Variants in STXBP5L observed in about 807,000 individuals in gnomAD.
STXBP5L encodes the protein syntaxin-binding protein 5-like.
In STXBP5L, 65 loss-of-function variants were observed where a neutral mutation model predicts 144.5. The ratio of observed to expected loss-of-function variants is 0.45; its 90% CI spans 0.37 to 0.55. The LOEUF (loss-of-function observed/expected upper bound fraction) is 0.55, where lower values mean the gene tolerates loss of function less well. Among genes scored for constraint, STXBP5L ranks in the 20% least tolerant of loss-of-function variants. The probability of loss-of-function intolerance (pLI) is 0.00; values close to 1 mark genes in which losing one functional copy is unlikely to be tolerated. For missense variants in STXBP5L, 1,298 were observed against 1,405.5 expected (o/e 0.92, Z 1.22); for synonymous variants, 505 against 469.6 (o/e 1.08, Z -0.97).
chr3:121,405,048 G>GGAGA (rs1018722061), intron 22 of STXBP5L, among the ~76,000 whole-genome samples: 3 of 151,306 alleles, frequency 2.0e-5, no homozygotes, highest in Admixed American at 2.0e-4. Flanking sequence ...ATAGGGAGGG[G>GGAGA]GAGAGAGAGA....
intron 3 of STXBP5L, among the ~76,000 whole-genome samples, chr3:120,969,436 G>A (rs552997962): frequency 2.1e-5 from 3 of 143,422 alleles, no homozygotes; most frequent in African/African-American, 5.2e-5. Context: ...TGAGTTCCTT[G>A]TAGATTCTGG....
chr3:121,359,783 T>C (rs908312061), intron 20 of STXBP5L, among the ~76,000 whole-genome samples: 34 of 151,842 alleles, frequency 2.2e-4, no homozygotes, highest in African/African-American at 7.7e-4. Flanking sequence ...TTCTGGATTC[T>C]CTATTCTGTC....
intron 20 of STXBP5L, among the ~76,000 whole-genome samples, chr3:121,352,402 C>A (rs550065972): frequency 6.6e-6 from 1 of 152,132 alleles, no homozygotes; most frequent in African/African-American, 2.4e-5. Context: ...CCTTCACATC[C>A]CTTGTAAGCT....
intron 3 of STXBP5L, among the ~76,000 whole-genome samples, chr3:121,029,100 C>A (rs932923843): frequency 6.6e-6 from 1 of 152,158 alleles, no homozygotes; most frequent in Non-Finnish European, 1.5e-5. Flanking sequence ...AATGGCCATA[C>A]TGACCAAAGT....
chr3:120,923,721 T>C (rs1027641731), intron 2 of STXBP5L, among the ~76,000 whole-genome samples: 1 of 152,186 alleles, frequency 6.6e-6, no homozygotes, highest in Admixed American at 6.5e-5. Context: ...ATTTTTACTT[T>C]CTTGAATTTG....
chr3:121,407,776 G>T, intron 23 of STXBP5L, 173 bp downstream of exon 23: 1 of 973,040 alleles, frequency 1.0e-6, no homozygotes, highest in African/African-American at 1.7e-5. Flanking sequence ...TGGGGGTTTT[G>T]TGTTTTGTTT....
At chr3:121,217,891 G>A (rs1353851096) in intron 10 of STXBP5L, among the ~76,000 whole-genome samples, 1 of 150,890 alleles carries the variant, frequency 6.6e-6, no homozygotes, top group Non-Finnish European at 1.5e-5. Flanking sequence ...TTGCTTGGAG[G>A]TCTTTACAAT....
chr3:120,963,067 C>G (rs891342669), intron 3 of STXBP5L, among the ~76,000 whole-genome samples: 1 of 152,146 alleles, frequency 6.6e-6, no homozygotes, highest in South Asian at 2.1e-4. Context: ...CATGATTTGG[C>G]TCTCTGTTTG....
chr3:121,037,284 G>T (rs1045227991), intron 3 of STXBP5L, among the ~76,000 whole-genome samples: 12 of 145,172 alleles, frequency 8.3e-5, no homozygotes, highest in Non-Finnish European at 1.5e-4. Context: ...GCTCTACTCT[G>T]TCATCCAGAT....
chr3:121,268,562 G>A (rs1342207294), intron 18 of STXBP5L, among the ~76,000 whole-genome samples: 1 of 150,084 alleles, frequency 6.7e-6, no homozygotes, highest in Non-Finnish European at 1.5e-5. Context: ...AATAAAAAAA[G>A]AATAACTGAA....
At chr3:121,026,699 A>ATCCAT (rs1945968450) in intron 3 of STXBP5L, among the ~76,000 whole-genome samples, 1 of 152,050 alleles carries the variant, frequency 6.6e-6, no homozygotes, top group African/African-American at 2.4e-5. Flanking sequence ...GAAATTTGAC[A>ATCCAT]CTGAAAGAAT....
intron 5 of STXBP5L, among the ~76,000 whole-genome samples, chr3:121,093,812 A>C (rs1167922863): frequency 6.6e-6 from 1 of 152,126 alleles, no homozygotes; most frequent in Non-Finnish European, 1.5e-5. Flanking sequence ...GCCTTCTGCT[A>C]GCTTTTGAAT....
intron 5 of STXBP5L, among the ~76,000 whole-genome samples, chr3:121,093,655 T>C (rs1205569084): frequency 6.6e-6 from 1 of 152,200 alleles, no homozygotes; most frequent in Non-Finnish European, 1.5e-5. Context: ...TATTTGATTC[T>C]TCTCTCTTTT....
At chr3:121,071,875 G>A (rs1196029795) in intron 5 of STXBP5L, among the ~76,000 whole-genome samples, 1 of 152,182 alleles carries the variant, frequency 6.6e-6, no homozygotes, top group Non-Finnish European at 1.5e-5. Flanking sequence ...CTCATAGGGT[G>A]AATACCCAGT....
At chr3:121,032,398 T>A (rs1485943718) in intron 3 of STXBP5L, among the ~76,000 whole-genome samples, 1 of 152,138 alleles carries the variant, frequency 6.6e-6, no homozygotes, top group Non-Finnish European at 1.5e-5. Context: ...TGAATTTAGC[T>A]ACTAGAAAGT....
At chr3:121,020,850 GAAA>G (rs60522434) in intron 3 of STXBP5L, among the ~76,000 whole-genome samples, 6 of 143,220 alleles carry the variant, frequency 4.2e-5, no homozygotes, top group Admixed American at 6.9e-5. Flanking sequence ...ACAATACAAT[GAAA>G]AAAAAAAACC....
chr3:121,132,169 T>TA, intron 7 of STXBP5L, among the ~76,000 whole-genome samples: 1 of 152,312 alleles, frequency 6.6e-6, no homozygotes, highest in East Asian at 1.9e-4. Flanking sequence ...ATTGCGCTGA[T>TA]AAACACTTCT....
chr3:121,224,280 G>A (rs2049054102), intron 11 of STXBP5L, among the ~76,000 whole-genome samples: 1 of 152,118 alleles, frequency 6.6e-6, no homozygotes, highest in Admixed American at 6.6e-5. Flanking sequence ...TATGTTGTGA[G>A]TTCCACTATT....
chr3:121,370,308 C>T (rs943612727), intron 20 of STXBP5L, among the ~76,000 whole-genome samples: 6 of 152,124 alleles, frequency 3.9e-5, no homozygotes, highest in South Asian at 2.1e-4. Flanking sequence ...GCAGAGGTTG[C>T]GGTGAGCTGA....
Sources: gnomAD v4.1 joint callset for allele counts (sites outside exome capture counted in the v4.1 genomes callset) on GRCh38, gnomAD v4.1.1 for gene constraint, MANE v1.5 for transcripts, NCBI Gene and HGNC (gene_info 2026-07-23, HGNC 2026-07-21) for gene names.